TCF25: variants seen among roughly 807,000 people sequenced by gnomAD.
TCF25 encodes ribosome quality control complex subunit TCF25.
A neutral mutation model predicts 83.1 loss-of-function variants in TCF25; 41 were observed. That is an observed-to-expected ratio of 0.49 (90% CI 0.38 to 0.64). The LOEUF (loss-of-function observed/expected upper bound fraction) is 0.64, where lower values mean the gene tolerates loss of function less well. TCF25 is among the 30% of genes least tolerant of loss of function. TCF25 has a pLI of 0.00. For missense variants in TCF25, 979 were observed against 914.5 expected (o/e 1.07, Z -0.91); for synonymous variants, 458 against 365.0 (o/e 1.25, Z -2.90).
At position 89,898,816 on chromosome 16, in the gene TCF25, C is replaced by A. The variant is rs745639761; in HGVS notation, c.1165C>A (p.Leu389Met). ...CTGCATGCTGCTGCTCATCGACCAC[C>A]TGGCCTTGCGGGCCCGGAACTACGA... is the stretch of plus-strand genomic sequence containing the variant. Reference protein sequence around the residue: ...PLCMLLLIDHLALRARNYEYL... With the variant: ...PLCMLLLIDHMALRARNYEYL... The change falls in exon 11 of 18, where the codon CTG (leucine) becomes ATG (methionine). Residue 389 changes from leucine (L) to methionine (M), a missense_variant. Coordinates refer to ENST00000263346, the MANE Select transcript of TCF25 (RefSeq NM_014972.3). 5 of 1,613,954 alleles carry A rather than the reference C, an allele frequency of 3.1e-6. No individual in the cohort carries two copies. Among genetic ancestry groups the A allele is most frequent in the Non-Finnish European group, 4.2e-6 (5 of 1,180,044 alleles).
intron 2 of TCF25, chr16:89,883,867 G>T: frequency 4.5e-6 from 1 of 221,726 alleles, no homozygotes; most frequent in South Asian, 7.6e-5. Flanking sequence ...ACTGTGCCCC[G>T]AACGTTTGCT....
chr16:89,881,261 C>T (rs954019980), intron 1 of TCF25, among the ~76,000 whole-genome samples: 8 of 152,150 alleles, frequency 5.3e-5, no homozygotes, highest in Admixed American at 3.3e-4. Context: ...AGTCTCAATT[C>T]TGTTTCAGAA....
Position 89,873,731 on chromosome 16 carries a change from G to C in TCF25, c.64G>C (p.Gly22Arg). The change falls in exon 1 of 18, where the codon GGC becomes CGC. Residue 22 changes from glycine to arginine, a missense_variant. Transcript: ENST00000263346. ...EQRGQEPLGPGALHFDLRDDD... is the reference protein window; with the variant it reads ...EQRGQEPLGPRALHFDLRDDD... ...GCGCGGCCAGGAGCCCCTCGGGCCC[G>C]GCGCCTTGCATTTCGATCTCCGTGA... 1.9e-6 allele frequency: 3 copies of C among 1,607,218 alleles called. No homozygotes were observed. Among genetic ancestry groups the C allele is most frequent in the Non-Finnish European group, 2.5e-6 (3 of 1,177,020 alleles).
chr16:89,908,113 T>C (rs1597391413), intron 16 of TCF25, among the ~76,000 whole-genome samples: 1 of 89,436 alleles, frequency 1.1e-5, no homozygotes, highest in Non-Finnish European at 2.2e-5. Context: ...AGCTCCCAGC[T>C]CCCGCCTCCC....
chr16:89,905,208 C>T (rs1429439647), intron 14 of TCF25, 112 bp downstream of exon 14: 13 of 1,395,870 alleles, frequency 9.3e-6, no homozygotes, highest in Non-Finnish European at 1.2e-5. Context: ...AGCTTGGCCT[C>T]CCTTGCTGTG....
At chr16:89,875,157 G>T (rs2143877523) in intron 1 of TCF25, among the ~76,000 whole-genome samples, 1 of 152,290 alleles carries the variant, frequency 6.6e-6, no homozygotes, top group Non-Finnish European at 1.5e-5. Flanking sequence ...GAGCCACTGT[G>T]CTTGGCCCCG....
chr16:89,887,658 G>C lies in TCF25; in HGVS notation c.555G>C (p.Leu185Phe). ...ACAATTTTCAATTCCCCAGACACTT[G>C]AATCCAGACACAGAACTGAAAAGGT... is the stretch of plus-strand genomic sequence containing the variant. ...KHVLYVEHRH[L>F]NPDTELKRYF... is the part of the protein sequence containing the mutation. The change falls in exon 5 of 18, where the codon TTG (leucine) becomes TTC (phenylalanine). Residue 185 changes from leucine (L) to phenylalanine (F), a missense_variant. Physicochemically the swap from Leu to Phe is conservative, Grantham distance 22. Transcript: ENST00000263346. The C allele has an allele frequency of 6.3e-7, 1 of 1,589,782 alleles. No individual in the cohort carries two copies. The highest frequency in any genetic ancestry group is 8.5e-7 in the Non-Finnish European group (1 of 1,172,236).
intron 2 of TCF25, among the ~76,000 whole-genome samples, chr16:89,884,371 G>T (rs1567701111): frequency 1.3e-5 from 2 of 152,122 alleles, no homozygotes; most frequent in African/African-American, 2.4e-5. Flanking sequence ...GACACAGAAG[G>T]CCCTGGGGAC....
rs143258300 is a variant in TCF25, at chr16:89,889,590, G to T, written c.614+1873G>T. 2.4e-4 allele frequency: 37 copies of T among 155,602 alleles called. No individual in the cohort carries two copies. In the East Asian group the frequency reaches 6.9e-3, roughly 29 times the overall value. The allele number at this position is 155,602 out of a possible 1,614,324, so 9.6% of individuals were successfully genotyped here. ...TTCGAGACAGAATTTTGCTCTTGTTGCCCAGGCTGGAGTGCAATGGCTCAA... is the reference window on the plus strand; with the variant it reads ...TTCGAGACAGAATTTTGCTCTTGTTTCCCAGGCTGGAGTGCAATGGCTCAA... On this transcript the variant is annotated intron_variant, in intron 5 of 17. Coordinates refer to ENST00000263346, the MANE Select transcript of TCF25 (RefSeq NM_014972.3).
At chr16:89,897,533 G>A (rs192582311) in intron 9 of TCF25, among the ~76,000 whole-genome samples, 10 of 152,368 alleles carry the variant, frequency 6.6e-5, no homozygotes, top group African/African-American at 2.4e-4. Flanking sequence ...ACTGTGTGCT[G>A]GGTCTGAATT....
At chr16:89,880,305 C>G (rs749047891) in intron 1 of TCF25, among the ~76,000 whole-genome samples, 6 of 152,074 alleles carry the variant, frequency 3.9e-5, no homozygotes, top group Admixed American at 2.6e-4. Flanking sequence ...GGGTGTTGGC[C>G]GGGCGCGGTG....
Position 89,892,220 on chromosome 16 carries a change from C to T in TCF25, c.642C>T (p.Pro214=), listed in dbSNP as rs1433790758. 5 of 1,612,878 alleles carry T rather than the reference C, an allele frequency of 3.1e-6. No individual in the cohort carries two copies. The highest frequency in any genetic ancestry group is 4.2e-6 in the Non-Finnish European group (5 of 1,179,622). Reference sequence around the variant, plus strand: ...CACGGCAGAGACAACGTGTGTACCCCAAGTGCACATGGCTGACCACCCCTA... The same window carrying T: ...CACGGCAGAGACAACGTGTGTACCCTAAGTGCACATGGCTGACCACCCCTA... ...QRPRQRQRVY[P]KCTWLTTPKS... is the part of the protein sequence containing the mutation. Residue 214 remains proline (P), a synonymous_variant, in exon 6 of 18, where the codon CCC becomes CCT. Coordinates refer to ENST00000263346, the MANE Select transcript of TCF25 (RefSeq NM_014972.3).
At chr16:89,877,101 C>CAAAA (rs113072263) in intron 1 of TCF25, among the ~76,000 whole-genome samples, 1 of 142,450 alleles carries the variant, frequency 7.0e-6, no homozygotes, top group Non-Finnish European at 1.5e-5. Flanking sequence ...GACTCTGTCT[C>CAAAA]AAAAAAATAA....
chr16:89,879,295 A>ATGGG, intron 1 of TCF25, among the ~76,000 whole-genome samples: 1 of 144,518 alleles, frequency 6.9e-6, no homozygotes, highest in East Asian at 2.1e-4. Flanking sequence ...GTGTACACAG[A>ATGGG]CGGGCTTCAG....
intron 4 of TCF25, 38 bp from the exon 5 acceptor site, chr16:89,887,614 A>G: frequency 6.4e-7 from 1 of 1,553,256 alleles, no homozygotes; most frequent in Non-Finnish European, 8.7e-7. Flanking sequence ...CTTAGAACAT[A>G]ATTTCATGTT....
Position 89,885,977 on chromosome 16 carries a change from C to CGCCCGTCTCTGCGGCT in TCF25, c.548+15_548+16insGTCTCTGCGGCTGCCC. On this transcript the variant is annotated intron_variant, in intron 4 of 17. Transcript: ENST00000263346. ...CTACGTGGAGCACAGGTGTGGCCCC[C>CGCCCGTCTCTGCGGCT]GCCCTTCTCTGCGGCTGCCCTTCTC... The CGCCCGTCTCTGCGGCT allele has an allele frequency of 6.6e-7, 1 of 1,514,078 alleles. No individual in the cohort carries two copies. The highest frequency in any genetic ancestry group is 9.0e-7 in the Non-Finnish European group (1 of 1,114,520). The allele number at this position is 1,514,078 out of a possible 1,614,324, so 93.8% of individuals were successfully genotyped here.
intron 5 of TCF25, chr16:89,889,958 C>A (rs2043302138): frequency 6.6e-6 from 1 of 152,194 alleles, no homozygotes; most frequent in Non-Finnish European, 1.5e-5. Flanking sequence ...CAACCTCCGC[C>A]TCCTGGGTTC....
At chr16:89,884,386 G>A (rs1388710893) in intron 2 of TCF25, among the ~76,000 whole-genome samples, 196 bp from the exon 3 acceptor site, 1 of 152,148 alleles carries the variant, frequency 6.6e-6, no homozygotes, top group Non-Finnish European at 1.5e-5. Context: ...GGGGACTGCT[G>A]TAGCACAGCC....
chr16:89,906,236 C>A lies in TCF25; in HGVS notation c.1671C>A (p.Arg557=). 6.2e-7 allele frequency: 1 copy of A among 1,613,470 alleles called. No individual in the cohort carries two copies. Among genetic ancestry groups the A allele is most frequent in the African/African-American group, 1.3e-5 (1 of 75,052 alleles). Residue 557 remains arginine (R), a synonymous_variant, in exon 15 of 18, where the codon CGC becomes CGA. Transcript: ENST00000263346. ...AGCGTGCACCCAGGAATATCCACCGCCATGTGATCCTCTCTGAGATCAAGG... is the reference window on the plus strand; with the variant it reads ...AGCGTGCACCCAGGAATATCCACCGACATGTGATCCTCTCTGAGATCAAGG... ...LYQRAPRNIH[R]HVILSEIKEA... is the part of the protein sequence containing the mutation.
Sources: allele counts gnomAD v4.1 joint callset (sites outside exome capture counted in the v4.1 genomes callset), GRCh38; gene constraint gnomAD v4.1.1; transcripts MANE v1.5; gene names NCBI Gene and HGNC (gene_info 2026-07-23, HGNC 2026-07-21).